Variants in MYCBP2 observed in about 807,000 individuals in gnomAD.
MYCBP2 encodes the protein MYC binding protein 2.
Under a neutral mutation model 525.3 loss-of-function variants are expected in MYCBP2, and 120 were observed. That is an observed-to-expected ratio of 0.23 (90% CI 0.20 to 0.27). The LOEUF (loss-of-function observed/expected upper bound fraction) is 0.27, where lower values mean the gene tolerates loss of function less well. MYCBP2 is among the 10% of genes least tolerant of loss of function. MYCBP2 has a pLI of 1.00. For missense variants in MYCBP2, 4,149 were observed against 5,657.1 expected, an observed-to-expected ratio of 0.73 and a Z score of 8.55; for synonymous variants, 1,894 against 1,955.8, an observed-to-expected ratio of 0.97 and a Z score of 0.83.
At chr13:77,106,911 C>G (rs1205153798) in intron 55 of MYCBP2, among the ~76,000 whole-genome samples, 1 of 152,108 alleles carries the variant, frequency 6.6e-6, no homozygotes, top group Non-Finnish European at 1.5e-5. Flanking sequence ...TAGATGCAAT[C>G]TTAACTAAGA....
At chr13:77,054,743 G>A (rs1201155147) in intron 80 of MYCBP2, among the ~76,000 whole-genome samples, 3 of 151,964 alleles carry the variant, frequency 2.0e-5, no homozygotes, top group African/African-American at 7.3e-5. Context: ...TGGGACTACA[G>A]GCAGATGCCA....
At chr13:77,105,752 C>T (rs79200217) in intron 55 of MYCBP2, among the ~76,000 whole-genome samples, 2 of 152,006 alleles carry the variant, frequency 1.3e-5, no homozygotes, top group Non-Finnish European at 2.9e-5. Context: ...TTGGGTATCA[C>T]TAAGTTTAAG....
At chr13:77,311,587 T>C (rs946046861) in intron 1 of MYCBP2, among the ~76,000 whole-genome samples, 3 of 151,092 alleles carry the variant, frequency 2.0e-5, no homozygotes, top group Non-Finnish European at 4.4e-5. Flanking sequence ...TTGTTTTTTT[T>C]TTAAAGAACC....
chr13:77,092,303 C>A (rs1006492676), intron 59 of MYCBP2, among the ~76,000 whole-genome samples: 2 of 152,112 alleles, frequency 1.3e-5, no homozygotes, highest in African/African-American at 4.8e-5. Context: ...TTATCTTTTT[C>A]ATTATCCAGT....
chr13:77,133,231 C>T (rs1257923169), intron 52 of MYCBP2, among the ~76,000 whole-genome samples: 1 of 152,112 alleles, frequency 6.6e-6, no homozygotes, highest in Non-Finnish European at 1.5e-5. Flanking sequence ...GGGTGAGTGG[C>T]TATCTTTACT....
chr13:77,044,752 T>G lies in MYCBP2; in HGVS notation c.*626A>C. On this transcript the variant is annotated 3_prime_UTR_variant, in exon 83 of 83. Transcript: ENST00000544440. ...CAAGATAATGAGGCACACTCAGTAT[T>G]GCACTTCATTAAAATTTCAGGCTCA... is the stretch of plus-strand genomic sequence containing the variant. The G allele has an allele frequency of 2.5e-6, 1 of 398,886 alleles. No homozygotes were observed. The highest frequency in any genetic ancestry group is 4.4e-6 in the Non-Finnish European group (1 of 226,000). 24.7% of individuals were successfully genotyped at this position (398,886 alleles called of 1,614,324 possible).
intron 3 of MYCBP2, among the ~76,000 whole-genome samples, chr13:77,280,348 T>C (rs568415044): frequency 6.5e-4 from 99 of 152,368 alleles, no homozygotes; most frequent in Non-Finnish European, 1.2e-3. Context: ...TGATATAGTT[T>C]CTTTTCCTGG....
chr13:77,299,877 T>C (rs2078585569), intron 1 of MYCBP2, among the ~76,000 whole-genome samples: 1 of 152,196 alleles, frequency 6.6e-6, no homozygotes, highest in Admixed American at 6.5e-5. Flanking sequence ...AATATTTATC[T>C]TAAAATATTT....
chr13:77,073,793 T>C (rs183115781), intron 68 of MYCBP2, among the ~76,000 whole-genome samples: 2 of 152,290 alleles, frequency 1.3e-5, no homozygotes, highest in Admixed American at 6.5e-5. Flanking sequence ...GCTTTACAAA[T>C]GTTAAATGTT....
At chr13:77,239,341 TAA>T (rs558993051) in intron 17 of MYCBP2, among the ~76,000 whole-genome samples, 298 of 152,240 alleles carry the variant, frequency 2.0e-3, no homozygotes, top group African/African-American at 6.9e-3. Flanking sequence ...GCCAAAGAAA[TAA>T]AAGATCTGTA....
intron 68 of MYCBP2, among the ~76,000 whole-genome samples, chr13:77,074,188 A>G (rs2041906354): frequency 6.6e-6 from 1 of 152,172 alleles, no homozygotes; most frequent in Non-Finnish European, 1.5e-5. Context: ...AATAGAGTCC[A>G]GAAACAGACC....
At position 77,325,437 on chromosome 13, in the gene MYCBP2, C is replaced by A. The variant is rs563580213; in HGVS notation, c.302+1037G>T. Among the ~76,000 whole-genome samples the A allele has an allele frequency of 2.4e-4, 37 of 152,174 alleles. No individual in the cohort carries two copies. In the South Asian group the frequency reaches 7.7e-3, roughly 32 times the overall value. ...GTCAGTCACCAACCTTCAGGGTATGCGGCATGTAAGGGCATGGAAAAGAAA... is the reference window on the plus strand; with the variant it reads ...GTCAGTCACCAACCTTCAGGGTATGAGGCATGTAAGGGCATGGAAAAGAAA... On this transcript the variant is annotated intron_variant, in intron 1 of 82. Coordinates refer to ENST00000544440, the MANE Select transcript of MYCBP2 (RefSeq NM_015057.5).
At chr13:77,158,391 G>A (rs138230973) in intron 44 of MYCBP2, among the ~76,000 whole-genome samples, 3 of 152,234 alleles carry the variant, frequency 2.0e-5, no homozygotes, top group Non-Finnish European at 4.4e-5. Flanking sequence ...TCCTCTATAT[G>A]TTATGTCCTC....
chr13:77,225,901 A>G (rs1288690333), intron 18 of MYCBP2, among the ~76,000 whole-genome samples: 1 of 152,222 alleles, frequency 6.6e-6, no homozygotes, highest in Admixed American at 6.5e-5. Context: ...ATAAAAAATT[A>G]CTGCATGCAA....
intron 52 of MYCBP2, among the ~76,000 whole-genome samples, chr13:77,136,223 G>C (rs774215190): frequency 7.2e-5 from 11 of 152,188 alleles, no homozygotes; most frequent in Admixed American, 3.9e-4. Context: ...TTAGGCACTT[G>C]TAGTGACTTC....
At chr13:77,118,386 T>C (rs756057964) in intron 55 of MYCBP2, 7 of 763,834 alleles carry the variant, frequency 9.2e-6, no homozygotes, top group African/African-American at 6.8e-5. Flanking sequence ...CGAACACAAA[T>C]GGGCTGTGTA....
At chr13:77,291,886 C>A (rs1420245238) in intron 2 of MYCBP2, among the ~76,000 whole-genome samples, 1 of 152,104 alleles carries the variant, frequency 6.6e-6, no homozygotes, top group Non-Finnish European at 1.5e-5. Flanking sequence ...CATGATTGAC[C>A]CTTGGCTAAC....
intron 1 of MYCBP2, among the ~76,000 whole-genome samples, chr13:77,303,189 C>T (rs570829012): frequency 2.7e-4 from 41 of 152,232 alleles, no homozygotes; most frequent in South Asian, 8.3e-4. Flanking sequence ...AAAAATTAGC[C>T]GGGCGTGGTG....
At chr13:77,138,085 A>C (rs2054031965) in intron 52 of MYCBP2, among the ~76,000 whole-genome samples, 1 of 152,208 alleles carries the variant, frequency 6.6e-6, no homozygotes, top group Non-Finnish European at 1.5e-5. Flanking sequence ...GTAATTTTTT[A>C]ATTTAAAATT....
Sources: gnomAD v4.1 joint callset for allele counts (sites outside exome capture counted in the v4.1 genomes callset) on GRCh38, gnomAD v4.1.1 for gene constraint, MANE v1.5 for transcripts, NCBI Gene and HGNC (gene_info 2026-07-23, HGNC 2026-07-21) for gene names.